The following ADCY2 variants were observed in gnomAD, a reference collection of about 807,000 sequenced individuals.
ADCY2 encodes the protein adenylate cyclase 2, also known as adenylate cyclase type 2.
A neutral mutation model predicts 125.2 loss-of-function variants in ADCY2; 31 were observed. The ratio of observed to expected loss-of-function variants is 0.25; its 90% CI spans 0.19 to 0.33. The LOEUF is 0.33. ADCY2 is among the 10% of genes least tolerant of loss of function. The probability of loss-of-function intolerance (pLI) is 1.00; values close to 1 mark genes in which losing one functional copy is unlikely to be tolerated. For missense variants in ADCY2, 904 were observed against 1,418.2 expected (o/e 0.64, Z 5.82); for synonymous variants, 512 against 548.4 (o/e 0.93, Z 0.93).
At chr5:7,577,815 G>A (rs141968782) in intron 3 of ADCY2, among the ~76,000 whole-genome samples, 21 of 152,236 alleles carry the variant, frequency 1.4e-4, no homozygotes, top group Non-Finnish European at 2.4e-4. Flanking sequence ...ATTGACCAGC[G>A]AAAAGAAAAA....
At chr5:7,781,047 C>T (rs776779809) in intron 18 of ADCY2, among the ~76,000 whole-genome samples, 6 of 152,142 alleles carry the variant, frequency 3.9e-5, no homozygotes, top group South Asian at 2.1e-4. Flanking sequence ...CTACCATTGT[C>T]GTTGTGTTGG....
intron 3 of ADCY2, among the ~76,000 whole-genome samples, chr5:7,585,182 C>A (rs1736588395): frequency 6.6e-6 from 1 of 152,040 alleles, no homozygotes; most frequent in South Asian, 2.1e-4. Flanking sequence ...AGAATATGTT[C>A]ACATTCATTT....
chr5:7,438,721 A>G lies in ADCY2; in HGVS notation c.408+23951A>G, dbSNP rs1561025862. Among the ~76,000 whole-genome samples, 3 of 152,226 alleles carry G rather than the reference A, an allele frequency of 2.0e-5. No homozygotes were observed. The South Asian group carries it at 6.2e-4, about 31-fold the overall frequency. ...TGGGTATAATGAAACATCACAGGTC[A>G]GTTTCCAGATTTGATGGTTAATAAA... is the stretch of plus-strand genomic sequence containing the variant. On this transcript the variant is annotated intron_variant, in intron 2 of 24. Coordinates refer to ENST00000338316, the MANE Select transcript of ADCY2 (RefSeq NM_020546.3).
intron 3 of ADCY2, among the ~76,000 whole-genome samples, chr5:7,607,258 G>A (rs529392128): frequency 6.6e-6 from 1 of 152,270 alleles, no homozygotes; most frequent in East Asian, 1.9e-4. Context: ...GGAAGCTCAT[G>A]CTCATTAGCA....
intron 2 of ADCY2, among the ~76,000 whole-genome samples, chr5:7,460,189 T>C (rs935890145): frequency 6.6e-6 from 1 of 152,168 alleles, no homozygotes; most frequent in Non-Finnish European, 1.5e-5. Flanking sequence ...GTAGAATTGA[T>C]AAGCAGGGAT....
intron 3 of ADCY2, among the ~76,000 whole-genome samples, chr5:7,607,442 A>G (rs988310777): frequency 8.5e-5 from 13 of 152,198 alleles, no homozygotes; most frequent in African/African-American, 3.1e-4. Flanking sequence ...TTAAAAAGTA[A>G]TAACCCACTG....
At chr5:7,598,518 G>A (rs561649425) in intron 3 of ADCY2, among the ~76,000 whole-genome samples, 2 of 152,292 alleles carry the variant, frequency 1.3e-5, no homozygotes, top group African/African-American at 2.4e-5. Context: ...AGAATTTTCT[G>A]TGGGGGGTTC....
At chr5:7,698,034 C>G (rs1316484367) in intron 6 of ADCY2, among the ~76,000 whole-genome samples, 1 of 152,058 alleles carries the variant, frequency 6.6e-6, no homozygotes, top group African/African-American at 2.4e-5. Context: ...ATTTTTTCCC[C>G]TTTTCTTTCT....
intron 3 of ADCY2, among the ~76,000 whole-genome samples, chr5:7,559,923 C>T (rs1193696610): frequency 1.3e-5 from 2 of 152,192 alleles, no homozygotes; most frequent in South Asian, 2.1e-4. Flanking sequence ...AGTGAGTTCT[C>T]CCAAGGAGAT....
chr5:7,708,394 A>C (rs951785124), intron 9 of ADCY2, among the ~76,000 whole-genome samples: 32 of 152,200 alleles, frequency 2.1e-4, no homozygotes, highest in African/African-American at 7.7e-4. Flanking sequence ...CACCCCATAC[A>C]AACAGTGAGA....
chr5:7,634,386 T>C (rs909834802), intron 4 of ADCY2, among the ~76,000 whole-genome samples: 1 of 152,236 alleles, frequency 6.6e-6, no homozygotes, highest in East Asian at 1.9e-4. Context: ...TTTAGGGTTA[T>C]CTGAGTGCTG....
At chr5:7,509,577 ATC>A (rs1486909569) in intron 2 of ADCY2, among the ~76,000 whole-genome samples, 38 of 152,304 alleles carry the variant, frequency 2.5e-4, no homozygotes, top group Middle Eastern at 3.4e-3. Flanking sequence ...TCCATCATCA[ATC>A]TCTCTAACTC....
chr5:7,534,646 C>T (rs34928910), intron 3 of ADCY2, among the ~76,000 whole-genome samples: 8 of 152,158 alleles, frequency 5.3e-5, no homozygotes, highest in African/African-American at 1.9e-4. Flanking sequence ...GTTTTAAGGA[C>T]TCATGCAGCT....
At chr5:7,464,259 G>A (rs1177883154) in intron 2 of ADCY2, among the ~76,000 whole-genome samples, 1 of 152,124 alleles carries the variant, frequency 6.6e-6, no homozygotes, top group Admixed American at 6.5e-5. Flanking sequence ...CTGCGCTGCT[G>A]TGTAAGTTGT....
intron 2 of ADCY2, among the ~76,000 whole-genome samples, chr5:7,446,755 T>C (rs1332355986): frequency 1.3e-5 from 2 of 152,244 alleles, no homozygotes; most frequent in Non-Finnish European, 2.9e-5. Flanking sequence ...GTGCACAGTA[T>C]AGATACATAG....
intron 2 of ADCY2, among the ~76,000 whole-genome samples, chr5:7,476,343 G>C (rs892941118): frequency 6.6e-6 from 1 of 152,078 alleles, no homozygotes; most frequent in African/African-American, 2.4e-5. Context: ...GATCCCCCAC[G>C]CCTGGACATT....
At chr5:7,807,033 T>C (rs924826576) in intron 22 of ADCY2, among the ~76,000 whole-genome samples, 7 of 152,188 alleles carry the variant, frequency 4.6e-5, no homozygotes, top group African/African-American at 1.7e-4. Context: ...TCAGGAGCAC[T>C]TCACCTGATC....
At chr5:7,717,018 A>T (rs1741612741) in intron 11 of ADCY2, 139 bp from the exon 12 acceptor site, 1 of 582,522 alleles carries the variant, frequency 1.7e-6, no homozygotes, top group Admixed American at 3.1e-5. Flanking sequence ...AAATACCCCG[A>T]TTGATCATTG....
intron 4 of ADCY2, among the ~76,000 whole-genome samples, chr5:7,639,198 C>T (rs1436158980): frequency 6.6e-6 from 1 of 152,136 alleles, no homozygotes; most frequent in Admixed American, 6.5e-5. Flanking sequence ...AGTATTAGAA[C>T]CTACTACAGT....
Sources: allele counts gnomAD v4.1 joint callset (sites outside exome capture counted in the v4.1 genomes callset), GRCh38; gene constraint gnomAD v4.1.1; transcripts MANE v1.5; gene names NCBI Gene and HGNC (gene_info 2026-07-23, HGNC 2026-07-21).